The following EIF2B3 variants were observed in gnomAD, a reference collection of about 807,000 sequenced individuals.
EIF2B3 encodes the protein eukaryotic translation initiation factor 2B subunit gamma.
EIF2B3 carries 20 observed loss-of-function variants against 54.1 expected under a neutral mutation model. That is an observed-to-expected ratio of 0.37 (90% CI 0.26 to 0.54). The LOEUF (loss-of-function observed/expected upper bound fraction) is 0.54, where lower values mean the gene tolerates loss of function less well. Among genes scored for constraint, EIF2B3 ranks in the 20% least tolerant of loss-of-function variants. The probability of loss-of-function intolerance (pLI) is 0.86; values close to 1 mark genes in which losing one functional copy is unlikely to be tolerated. For missense variants in EIF2B3, 448 were observed against 547.8 expected (o/e 0.82, Z 1.82); for synonymous variants, 153 against 188.1 (o/e 0.81, Z 1.52).
chr1:44,919,686 G>A (rs914273820), intron 5 of EIF2B3, among the ~76,000 whole-genome samples: 1 of 150,674 alleles, frequency 6.6e-6, no homozygotes, highest in African/African-American at 2.4e-5. Context: ...TCATCATACT[G>A]GGGATTCATT....
At chr1:44,853,758 G>C (rs1654349101) in intron 11 of EIF2B3, among the ~76,000 whole-genome samples, 1 of 152,178 alleles carries the variant, frequency 6.6e-6, no homozygotes. Flanking sequence ...TGGGAAAATA[G>C]CAATGGGATA....
At chr1:44,956,421 G>A (rs764199414) in intron 3 of EIF2B3, among the ~76,000 whole-genome samples, 11 of 151,854 alleles carry the variant, frequency 7.2e-5, no homozygotes, top group Non-Finnish European at 2.9e-5. Context: ...TGTAGATGTG[G>A]GCTGATGGGT....
intron 3 of EIF2B3, among the ~76,000 whole-genome samples, chr1:44,948,246 C>T (rs1307497304): frequency 2.6e-5 from 4 of 152,120 alleles, no homozygotes; most frequent in African/African-American, 9.7e-5. Flanking sequence ...TACTATATTC[C>T]TTAGTTTAAT....
chr1:44,880,871 G>C (rs1372879926), intron 7 of EIF2B3, among the ~76,000 whole-genome samples: 2 of 152,082 alleles, frequency 1.3e-5, no homozygotes, highest in African/African-American at 2.4e-5. Flanking sequence ...TGAGGCAGGA[G>C]AATGGCGTGA....
chr1:44,861,517 A>G (rs1001799110), intron 10 of EIF2B3, among the ~76,000 whole-genome samples: 3 of 152,194 alleles, frequency 2.0e-5, no homozygotes, highest in Non-Finnish European at 2.9e-5. Flanking sequence ...TTAAATGTCT[A>G]TTTTGGAATC....
At chr1:44,877,231 G>A (rs1655224156) in intron 8 of EIF2B3, among the ~76,000 whole-genome samples, 4 of 120,892 alleles carry the variant, frequency 3.3e-5, no homozygotes, top group Admixed American at 3.3e-4. Context: ...AACACCTTAG[G>A]TAGAACCCAG....
chr1:44,915,340 C>G (rs749960204), intron 5 of EIF2B3, among the ~76,000 whole-genome samples: 16 of 151,942 alleles, frequency 1.1e-4, no homozygotes, highest in Non-Finnish European at 2.4e-4. Context: ...GAGATAGGGT[C>G]TCGTTCTGTC....
chr1:44,926,089 G>A (rs558243827), intron 5 of EIF2B3, among the ~76,000 whole-genome samples: 7 of 152,008 alleles, frequency 4.6e-5, no homozygotes, highest in South Asian at 2.1e-4. Context: ...TTAGCTGGGC[G>A]TGGTGGCGCA....
intron 5 of EIF2B3, among the ~76,000 whole-genome samples, chr1:44,912,045 T>A (rs1451155910): frequency 1.3e-5 from 2 of 151,632 alleles, no homozygotes; most frequent in East Asian, 3.9e-4. Context: ...CTCATCATTT[T>A]TTATGGCTGC....
chr1:44,916,363 A>AG (rs1557683812), intron 5 of EIF2B3, among the ~76,000 whole-genome samples: 2 of 151,846 alleles, frequency 1.3e-5, no homozygotes, highest in African/African-American at 4.8e-5. Flanking sequence ...CTGGGACTAC[A>AG]GGGATACACC....
intron 6 of EIF2B3, among the ~76,000 whole-genome samples, chr1:44,887,638 T>C (rs1292195970): frequency 6.6e-6 from 1 of 152,244 alleles, no homozygotes; most frequent in Non-Finnish European, 1.5e-5. Context: ...TCAATATTTT[T>C]ATTTAAAGAC....
At chr1:44,971,507 C>T (rs1454268189) in intron 3 of EIF2B3, among the ~76,000 whole-genome samples, 1 of 152,140 alleles carries the variant, frequency 6.6e-6, no homozygotes, top group East Asian at 1.9e-4. Context: ...CTCAAGCCTC[C>T]AAGTATTAGA....
At chr1:44,892,334 C>T (rs1383627645) in intron 6 of EIF2B3, among the ~76,000 whole-genome samples, 3 of 152,054 alleles carry the variant, frequency 2.0e-5, no homozygotes, top group African/African-American at 7.2e-5. Flanking sequence ...AATCCCAGCT[C>T]TTTGGGAGGC....
intron 5 of EIF2B3, among the ~76,000 whole-genome samples, chr1:44,902,474 C>T (rs1045356952): frequency 1.3e-5 from 2 of 151,048 alleles, no homozygotes; most frequent in East Asian, 1.9e-4. Flanking sequence ...AGCACCTAGG[C>T]GACTAAGCAA....
At chr1:44,975,937 G>A (rs1259820154) in intron 3 of EIF2B3, among the ~76,000 whole-genome samples, 1 of 152,122 alleles carries the variant, frequency 6.6e-6, no homozygotes, top group Admixed American at 6.6e-5. Context: ...AGGAGGTGCA[G>A]TGGAGGTGGA....
intron 5 of EIF2B3, among the ~76,000 whole-genome samples, chr1:44,903,549 G>T (rs1302274754): frequency 6.6e-6 from 1 of 152,230 alleles, no homozygotes; most frequent in Non-Finnish European, 1.5e-5. Context: ...ATTGTACAAT[G>T]CTTAGTTCCT....
chr1:44,933,956 C>T (rs146578557), intron 4 of EIF2B3, among the ~76,000 whole-genome samples: 1,613 of 151,500 alleles, frequency 0.011, 31 homozygotes, highest in African/African-American at 0.037. Context: ...AACCCCGTCT[C>T]TACTAAAAAT....
intron 4 of EIF2B3, among the ~76,000 whole-genome samples, chr1:44,935,304 AATATAAAT>A (rs1254490347): frequency 2.6e-5 from 4 of 152,240 alleles, no homozygotes; most frequent in African/African-American, 7.2e-5. Flanking sequence ...GCAATAAAGC[AATATAAAT>A]ATATTATCTT....
At chr1:44,933,951 C>T (rs191108424) in intron 4 of EIF2B3, among the ~76,000 whole-genome samples, 8 of 151,352 alleles carry the variant, frequency 5.3e-5, no homozygotes, top group South Asian at 2.1e-4. Context: ...GGAGAAACCC[C>T]GTCTCTACTA....
Sources: gnomAD v4.1 joint callset for allele counts (sites outside exome capture counted in the v4.1 genomes callset) on GRCh38, gnomAD v4.1.1 for gene constraint, MANE v1.5 for transcripts, NCBI Gene and HGNC (gene_info 2026-07-23, HGNC 2026-07-21) for gene names.